The following TRAK1 variants were observed in gnomAD, a reference collection of about 807,000 sequenced individuals.
The protein encoded by TRAK1 is trafficking kinesin-binding protein 1.
In TRAK1, 33 loss-of-function variants were observed where a neutral mutation model predicts 92.1. That is an observed-to-expected ratio of 0.36 (90% confidence interval 0.27 to 0.48). The LOEUF is 0.48. Ranked by LOEUF, TRAK1 falls within the 20% of genes least tolerant of loss-of-function variation. The pLI, the probability that TRAK1 is intolerant of heterozygous loss-of-function variation, is 0.99. For synonymous variants in TRAK1, 521 were observed against 517.3 expected, an observed-to-expected ratio of 1.01 and a Z score of -0.10; for missense variants, 1,123 against 1,257.9, an observed-to-expected ratio of 0.89 and a Z score of 1.62.
intron 1 of TRAK1, among the ~76,000 whole-genome samples, chr3:42,124,332 G>C (rs1343403490): frequency 6.6e-6 from 1 of 152,198 alleles, no homozygotes; most frequent in Admixed American, 6.5e-5. Context: ...CCATCATAGG[G>C]AATGCCTTAT....
chr3:42,221,662 G>A (rs1193142983), intron 15 of TRAK1, among the ~76,000 whole-genome samples: 1 of 152,176 alleles, frequency 6.6e-6, no homozygotes, highest in East Asian at 1.9e-4. Context: ...CCTGCTCCAA[G>A]GCACACTGGC....
intron 13 of TRAK1, among the ~76,000 whole-genome samples, chr3:42,208,035 T>C (rs1355909371): frequency 6.6e-6 from 1 of 152,176 alleles, no homozygotes; most frequent in African/African-American, 2.4e-5. Context: ...CATTACCAAA[T>C]GTCCCTGGGG....
intron 1 of TRAK1, among the ~76,000 whole-genome samples, chr3:42,097,437 C>T (rs1338339759): frequency 6.6e-6 from 1 of 152,086 alleles, no homozygotes; most frequent in East Asian, 1.9e-4. Context: ...TGTCTGCACC[C>T]CTGGTATGAG....
intron 14 of TRAK1, among the ~76,000 whole-genome samples, chr3:42,215,405 A>G (rs1035301837): frequency 1.3e-5 from 2 of 152,226 alleles, no homozygotes; most frequent in African/African-American, 4.8e-5. Context: ...GGATAGTCCA[A>G]GACACACCCT....
At chr3:42,109,410 G>A (rs1472499861) in intron 1 of TRAK1, among the ~76,000 whole-genome samples, 1 of 152,208 alleles carries the variant, frequency 6.6e-6, no homozygotes, top group Non-Finnish European at 1.5e-5. Context: ...TCAGCAAACA[G>A]CAGTTAAAAT....
intron 1 of TRAK1, among the ~76,000 whole-genome samples, chr3:42,095,717 C>CGTCATT (rs1433074020): frequency 1.3e-5 from 2 of 151,666 alleles, no homozygotes; most frequent in Non-Finnish European, 2.9e-5. Context: ...GCTTTATCAT[C>CGTCATT]GTCATCATCA....
At chr3:42,099,244 C>G (rs915415235) in intron 1 of TRAK1, among the ~76,000 whole-genome samples, 2 of 151,844 alleles carry the variant, frequency 1.3e-5, no homozygotes, top group Non-Finnish European at 2.9e-5. Flanking sequence ...CAACCTCTAC[C>G]GGGGCGGAGT....
chr3:42,101,215 G>A (rs1212359139), intron 1 of TRAK1, among the ~76,000 whole-genome samples: 1 of 152,224 alleles, frequency 6.6e-6, no homozygotes, highest in Non-Finnish European at 1.5e-5. Context: ...CGCCACACAG[G>A]CATGCTTAGA....
At chr3:42,073,386 G>A (rs921650789) in intron 1 of TRAK1, among the ~76,000 whole-genome samples, 2 of 152,192 alleles carry the variant, frequency 1.3e-5, no homozygotes, top group East Asian at 1.9e-4. Flanking sequence ...ACAGCATAGT[G>A]TAGCAGTAGT....
intron 9 of TRAK1, among the ~76,000 whole-genome samples, chr3:42,194,218 A>G (rs749096138): frequency 2.0e-4 from 30 of 152,222 alleles, no homozygotes; most frequent in African/African-American, 7.0e-4. Context: ...GGCTTGAAAC[A>G]TGGGTGTGAC....
intron 2 of TRAK1, among the ~76,000 whole-genome samples, chr3:42,171,911 A>C (rs1013399121): frequency 5.9e-5 from 9 of 152,106 alleles, no homozygotes; most frequent in Admixed American, 2.0e-4. Context: ...CTTAGCATAA[A>C]GGCTGCTTTA....
intron 1 of TRAK1, among the ~76,000 whole-genome samples, chr3:42,022,585 G>T (rs1701759003): frequency 6.6e-6 from 1 of 152,108 alleles, no homozygotes; most frequent in African/African-American, 2.4e-5. Context: ...AGCTGGGCAT[G>T]GTGGTGTGCC....
chr3:42,081,409 G>A (rs947853529), intron 1 of TRAK1, among the ~76,000 whole-genome samples: 1 of 152,176 alleles, frequency 6.6e-6, no homozygotes, highest in Admixed American at 6.5e-5. Context: ...AGCTTCAGGG[G>A]ATCCTCAGAG....
At chr3:42,203,664 G>C in intron 13 of TRAK1, 1 of 985,190 alleles carries the variant, frequency 1.0e-6, no homozygotes, top group Non-Finnish European at 1.2e-6. Flanking sequence ...TTACACTTAC[G>C]ATGCAAAGCC....
chr3:42,064,333 C>T lies in TRAK1; in HGVS notation c.-518-22771C>T, dbSNP rs190749310. ...ACAAAAATTAGCCAGTCTTATAACC[C>T]GGTCTCAAATGAATAAATAAATAGA... On this transcript the variant is annotated intron_variant, in intron 1 of 16. Coordinates refer to the TRAK1 transcript ENST00000487159. 6.5e-4 allele frequency among the ~76,000 whole-genome samples: 97 copies of T among 149,368 alleles called. 1 individual carries two copies. Among genetic ancestry groups the T allele is most frequent in the Admixed American group, 1.8e-3 (26 of 14,810 alleles).
intron 2 of TRAK1, among the ~76,000 whole-genome samples, chr3:42,137,822 T>TC (rs1698142111): frequency 6.6e-6 from 1 of 152,168 alleles, no homozygotes; most frequent in Admixed American, 6.5e-5. Flanking sequence ...GGGCCATTTC[T>TC]CCATCATCCA....
At chr3:42,025,163 CTGTGCTTGGTTTCCTCCT>C (rs1400168122) in intron 1 of TRAK1, among the ~76,000 whole-genome samples, 1 of 152,192 alleles carries the variant, frequency 6.6e-6, no homozygotes, top group Non-Finnish European at 1.5e-5. Flanking sequence ...CCGCTTTCTG[CTGTGCTTGGTTTCCTCCT>C]AGCAATATGC....
Position 42,167,932 on chromosome 3 carries a change from T to G in TRAK1, c.287-8882T>G, listed in dbSNP as rs182199976. The stretch of plus-strand genomic sequence containing the variant: ...AACCAAGTAATGTGTGTCTTAGGGC[T>G]TAGTAGTTAATTCACTAGGACTATT... On this transcript the variant is annotated intron_variant, in intron 2 of 15. Transcript: ENST00000327628. Among the ~76,000 whole-genome samples the G allele has an allele frequency of 1.4e-3, 213 of 152,292 alleles. 1 individual carries two copies. The highest frequency in any genetic ancestry group is 4.5e-3 in the African/African-American group (188 of 41,562).
intron 1 of TRAK1, among the ~76,000 whole-genome samples, chr3:42,035,980 G>A (rs1320121056): frequency 6.6e-6 from 1 of 152,224 alleles, no homozygotes; most frequent in Non-Finnish European, 1.5e-5. Context: ...CAACTTTTAA[G>A]TCAGACCTAC....
Sources: gnomAD v4.1 joint callset for allele counts (sites outside exome capture counted in the v4.1 genomes callset) on GRCh38, gnomAD v4.1.1 for gene constraint, MANE v1.5 for transcripts, NCBI Gene and HGNC (gene_info 2026-07-23, HGNC 2026-07-21) for gene names.